SGMS1: variants seen among roughly 807,000 people sequenced by gnomAD.
SGMS1 encodes phosphatidylcholine:ceramide cholinephosphotransferase 1.
A neutral mutation model predicts 46.2 loss-of-function variants in SGMS1; 13 were observed. The ratio of observed to expected loss-of-function variants is 0.28; its 90% CI spans 0.18 to 0.45. The LOEUF (loss-of-function observed/expected upper bound fraction) is 0.45. Among genes scored for constraint, SGMS1 ranks in the 20% least tolerant of loss-of-function variants. The probability of loss-of-function intolerance (pLI) is 1.00; values close to 1 mark genes in which losing one functional copy is unlikely to be tolerated. For missense variants in SGMS1, 324 were observed against 519.9 expected (o/e 0.62, Z 3.66); for synonymous variants, 203 against 187.8 (o/e 1.08, Z -0.66).
At chr10:50,366,674 G>C (rs917943172) in intron 6 of SGMS1, among the ~76,000 whole-genome samples, 2 of 152,040 alleles carry the variant, frequency 1.3e-5, no homozygotes, top group African/African-American at 4.8e-5. Context: ...AGCTGGAAAC[G>C]ATCATTCTCA....
intron 8 of SGMS1, 97 bp downstream of exon 8, chr10:50,327,108 T>C: frequency 1.4e-6 from 1 of 706,204 alleles, no homozygotes; most frequent in African/African-American, 1.8e-5. Flanking sequence ...GACTCCACTG[T>C]ATTCTGAAGA....
intron 6 of SGMS1, among the ~76,000 whole-genome samples, chr10:50,409,155 G>A (rs1194265608): frequency 2.6e-5 from 4 of 152,138 alleles, no homozygotes; most frequent in Admixed American, 2.0e-4. Context: ...TGGGGTACAT[G>A]TGATAGTTTT....
In SGMS1 at chr10:50,380,434, A is replaced by T. The variant is rs552796715; in HGVS notation, c.-231-36089T>A. Among the ~76,000 whole-genome samples, 23 of 152,254 alleles carry T rather than the reference A, an allele frequency of 1.5e-4. No individual in the cohort carries two copies. The South Asian group carries it at 4.4e-3, about 29-fold the overall frequency. The stretch of plus-strand genomic sequence containing the variant: ...TCTAATGTTGCAAGCTGTAAAAATA[A>T]CACCAGCAGAAGAATACAATCATAG... On this transcript the variant is annotated intron_variant, in intron 6 of 10. Coordinates refer to ENST00000361781, the MANE Select transcript of SGMS1 (RefSeq NM_147156.4).
At chr10:50,415,178 C>A (rs563133150) in intron 6 of SGMS1, among the ~76,000 whole-genome samples, 7 of 152,278 alleles carry the variant, frequency 4.6e-5, no homozygotes, top group African/African-American at 1.7e-4. Context: ...TATGGCAATG[C>A]CCTGATATAC....
intron 6 of SGMS1, among the ~76,000 whole-genome samples, chr10:50,380,059 T>A (rs539476922): frequency 1.5e-3 from 235 of 152,216 alleles, no homozygotes; most frequent in Non-Finnish European, 3.0e-3. Flanking sequence ...AATCAAAAAA[T>A]GGGACAGGCT....
At chr10:50,316,420 T>C (rs1847338893) in intron 8 of SGMS1, among the ~76,000 whole-genome samples, 1 of 152,162 alleles carries the variant, frequency 6.6e-6, no homozygotes, top group African/African-American at 2.4e-5. Flanking sequence ...AGAATCCAAG[T>C]CCTCTGACTA....
In SGMS1 at chr10:50,311,263, C is replaced by T. The variant is rs761654200; in HGVS notation, c.894G>A (p.Glu298=). ...ACAATGGAAGTCTTTTAGACTTACA[C>T]TCTTTGATAAATAAGTAGGTAAGTG... ...MLTLTYLFIK[E]YSPRRLWWYH... is the part of the protein sequence containing the mutation. The change falls in exon 9 of 11, where the codon GAG becomes GAA. Residue 298 remains glutamate (E), a splice_region_variant and synonymous_variant. Transcript: ENST00000361781. 9.9e-6 allele frequency: 16 copies of T among 1,612,774 alleles called. No homozygotes were observed. Among genetic ancestry groups the T allele is most frequent in the Admixed American group, 1.7e-5 (1 of 59,872 alleles).
At chr10:50,614,330 C>A (rs1415532873) in intron 1 of SGMS1, among the ~76,000 whole-genome samples, 2 of 152,180 alleles carry the variant, frequency 1.3e-5, no homozygotes, top group African/African-American at 4.8e-5. Flanking sequence ...GGCTCAGACA[C>A]CCCTCTGCTG....
chr10:50,309,592 C>T (rs1393053205), intron 9 of SGMS1, among the ~76,000 whole-genome samples: 1 of 152,196 alleles, frequency 6.6e-6, no homozygotes, highest in Non-Finnish European at 1.5e-5. Flanking sequence ...GTGATTCCTA[C>T]TGTCCACATC....
intron 6 of SGMS1, among the ~76,000 whole-genome samples, chr10:50,420,204 A>AG (rs1417916822): frequency 5.9e-5 from 9 of 152,224 alleles, no homozygotes; most frequent in Non-Finnish European, 1.0e-4. Flanking sequence ...TATTCCTCAT[A>AG]AAGGTAATGT....
intron 2 of SGMS1, among the ~76,000 whole-genome samples, chr10:50,524,763 C>G (rs1444505616): frequency 6.6e-6 from 1 of 152,120 alleles, no homozygotes; most frequent in African/African-American, 2.4e-5. Flanking sequence ...TCATTACAAA[C>G]AGCATGAAAC....
chr10:50,312,509 C>G (rs1007829220), intron 8 of SGMS1, among the ~76,000 whole-genome samples: 4 of 151,922 alleles, frequency 2.6e-5, no homozygotes, highest in African/African-American at 9.7e-5. Flanking sequence ...GACTCTAAAG[C>G]CTCCAGAGAT....
At position 50,401,864 on chromosome 10, in the gene SGMS1, T is replaced by C. The variant is rs1300823602; in HGVS notation, c.-232+31612A>G. ...TAGATTCCCTTGTCGTATTCATTTA[T>C]GCTCCTGCACAAAATGTCAAAGACA... On this transcript the variant is annotated intron_variant, in intron 6 of 10. Coordinates refer to ENST00000361781, the MANE Select transcript of SGMS1 (RefSeq NM_147156.4). Among the ~76,000 whole-genome samples, 40 of 152,246 alleles carry C rather than the reference T, an allele frequency of 2.6e-4. 1 individual carries two copies.
At chr10:50,504,168 A>C (rs893929560) in intron 3 of SGMS1, among the ~76,000 whole-genome samples, 1 of 152,200 alleles carries the variant, frequency 6.6e-6, no homozygotes, top group African/African-American at 2.4e-5. Context: ...GGTACCTGAA[A>C]CCAGGACAGG....
At chr10:50,389,062 T>G (rs1298290827) in intron 6 of SGMS1, among the ~76,000 whole-genome samples, 1 of 152,214 alleles carries the variant, frequency 6.6e-6, no homozygotes, top group African/African-American at 2.4e-5. Context: ...AGTAATTGTT[T>G]TACTATCTAT....
intron 2 of SGMS1, among the ~76,000 whole-genome samples, chr10:50,574,985 A>AT (rs58462802): frequency 3.5e-5 from 5 of 143,082 alleles, no homozygotes; most frequent in Admixed American, 7.1e-5. Context: ...ATATATATAT[A>AT]AAACAAAGTA....
intron 8 of SGMS1, among the ~76,000 whole-genome samples, chr10:50,320,978 G>A (rs560177730): frequency 1.3e-5 from 2 of 152,284 alleles, no homozygotes; most frequent in East Asian, 1.9e-4. Flanking sequence ...GGGAGAAGGC[G>A]CTTGTCTTAT....
At chr10:50,458,041 C>T (rs572451393) in intron 5 of SGMS1, among the ~76,000 whole-genome samples, 2 of 152,294 alleles carry the variant, frequency 1.3e-5, no homozygotes, top group African/African-American at 2.4e-5. Flanking sequence ...CAAGCAGACA[C>T]ATCCAGTTCT....
intron 5 of SGMS1, among the ~76,000 whole-genome samples, chr10:50,440,161 T>C (rs1352003274): frequency 6.6e-6 from 1 of 152,026 alleles, no homozygotes; most frequent in Non-Finnish European, 1.5e-5. Flanking sequence ...TTCTGTGCAA[T>C]GATATTGCCC....
Sources: gnomAD v4.1 joint callset for allele counts (sites outside exome capture counted in the v4.1 genomes callset) on GRCh38, gnomAD v4.1.1 for gene constraint, MANE v1.5 for transcripts, NCBI Gene and HGNC (gene_info 2026-07-23, HGNC 2026-07-21) for gene names.